The following METTL14 variants were observed in gnomAD, a reference collection of about 807,000 sequenced individuals.
METTL14 encodes methyltransferase 14, N6-adenosine-methyltransferase non-catalytic subunit.
METTL14 carries 32 observed loss-of-function variants against 62.4 expected under a neutral mutation model. The observed-to-expected ratio is 0.51, with a 90% CI of 0.39 to 0.69. The LOEUF (loss-of-function observed/expected upper bound fraction) is 0.69, where lower values mean the gene tolerates loss of function less well. METTL14 is among the 30% of genes least tolerant of loss of function. METTL14 has a pLI of 0.00. For missense variants in METTL14, 340 were observed against 551.9 expected (o/e 0.62, Z 3.85); for synonymous variants, 150 against 180.0 (o/e 0.83, Z 1.34).
chr4:118,701,898 T>G (rs576130764), intron 8 of METTL14, among the ~76,000 whole-genome samples: 1 of 152,312 alleles, frequency 6.6e-6, no homozygotes, highest in East Asian at 1.9e-4. Flanking sequence ...ACATCATTGC[T>G]TCCATCATTT....
At chr4:118,707,150 T>C (rs1434999985) in intron 10 of METTL14, among the ~76,000 whole-genome samples, 1 of 152,160 alleles carries the variant, frequency 6.6e-6, no homozygotes. Flanking sequence ...TAGATTGATA[T>C]TCAGGTTAGG....
chr4:118,685,738 C>G, intron 1 of METTL14, 138 bp downstream of exon 1: 1 of 735,260 alleles, frequency 1.4e-6, no homozygotes, highest in South Asian at 1.6e-5. Flanking sequence ...GATCTTGATC[C>G]CTGGTTCTGC....
chr4:118,712,939 CAGG>C lies in METTL14; in HGVS notation c.*2640_*2642del, dbSNP rs1724964511. 1 of 152,088 alleles carries C rather than the reference CAGG, an allele frequency of 6.6e-6. No homozygotes were observed. Among genetic ancestry groups the C allele is most frequent in the Non-Finnish European group, 1.5e-5 (1 of 68,030 alleles). 9.4% of individuals were successfully genotyped at this position (152,088 alleles called of 1,614,324 possible). A position where few individuals can be genotyped will look rare whatever the true frequency, so the allele number is the denominator to read the frequency against. On this transcript the variant is annotated 3_prime_UTR_variant, in exon 11 of 11. Coordinates refer to ENST00000388822, the MANE Select transcript of METTL14 (RefSeq NM_020961.4). Reference sequence around the variant, plus strand: ...GAAGAGGGCAGGTAGTTGATGATGTCAGGAGAACAGATTTTATGGTGTGGAATA... The same window carrying C: ...GAAGAGGGCAGGTAGTTGATGATGTCAGAACAGATTTTATGGTGTGGAATA...
chr4:118,701,006 A>G (rs888922810), intron 8 of METTL14, among the ~76,000 whole-genome samples: 1 of 152,122 alleles, frequency 6.6e-6, no homozygotes, highest in Non-Finnish European at 1.5e-5. Context: ...AGTATTCAGG[A>G]GCATTGGCTC....
Position 118,696,117 on chromosome 4 carries a change from C to CAAAAAAA in METTL14, c.504-1043_504-1037dup, listed in dbSNP as rs70941201. 6.2e-4 allele frequency among the ~76,000 whole-genome samples: 21 copies of CAAAAAAA among 33,910 alleles called. 4 individuals are homozygous for CAAAAAAA. Among genetic ancestry groups the CAAAAAAA allele is most frequent in the East Asian group, 2.5e-3 (3 of 1,200 alleles). The allele number at this position is 33,910 out of a possible 152,430, so 22.2% of individuals were successfully genotyped here. On this transcript the variant is annotated intron_variant, in intron 6 of 10. Coordinates refer to ENST00000388822, the MANE Select transcript of METTL14 (RefSeq NM_020961.4). Reference sequence around the variant, plus strand: ...CTGGCAACAGAGTGAGACTCTGTCTCAAAAAAAAAAAAAAAAAAAAAAAAA... The same window carrying CAAAAAAA: ...CTGGCAACAGAGTGAGACTCTGTCTCAAAAAAAAAAAAAAAAAAAAAAAAAAAAAAAA...
intron 10 of METTL14, 69 bp from the exon 11 acceptor site, chr4:118,709,929 C>T (rs1003491257): frequency 1.0e-4 from 144 of 1,445,004 alleles, no homozygotes; most frequent in Non-Finnish European, 1.3e-4. Context: ...GGGATTTGAA[C>T]TAGCTTCTAA....
chr4:118,705,277 C>T (rs1201966858), intron 9 of METTL14, among the ~76,000 whole-genome samples: 1 of 152,084 alleles, frequency 6.6e-6, no homozygotes, highest in African/African-American at 2.4e-5. Flanking sequence ...GAATTTGAGA[C>T]CAGCCTGAGC....
intron 1 of METTL14, 142 bp downstream of exon 1, chr4:118,685,742 G>A (rs1307019433): frequency 1.4e-6 from 1 of 737,700 alleles, no homozygotes; most frequent in Middle Eastern, 3.8e-4. Context: ...TTGATCCCTG[G>A]TTCTGCCTTT....
chr4:118,705,884 C>T, intron 10 of METTL14, 63 bp downstream of exon 10: 1 of 1,238,264 alleles, frequency 8.1e-7, no homozygotes, highest in Non-Finnish European at 1.2e-6. Context: ...AGAAATAGGA[C>T]ATGGTGCTGT....
intron 10 of METTL14, among the ~76,000 whole-genome samples, chr4:118,708,909 T>C (rs1724839445): frequency 2.0e-5 from 3 of 152,218 alleles, no homozygotes; most frequent in Admixed American, 2.0e-4. Context: ...CAGAGCACCG[T>C]GTCTGTATTG....
intron 3 of METTL14, among the ~76,000 whole-genome samples, chr4:118,690,187 C>G (rs1456451799): frequency 6.6e-6 from 1 of 150,746 alleles, no homozygotes; most frequent in African/African-American, 2.4e-5. Context: ...ACTACAAGCA[C>G]GCACCACGAC....
rs1282548704 is a variant in METTL14 at position 118,689,426 on chromosome 4, A to G, written c.212A>G (p.Glu71Gly). ...AAACGTAAGTATCTGGATGAAGGAGAGACAGATGAAGACAAAATGGAAGAA... is the reference window on the plus strand; with the variant it reads ...AAACGTAAGTATCTGGATGAAGGAGGGACAGATGAAGACAAAATGGAAGAA... ...NAKRKYLDEG[E>G]TDEDKMEEYK... The change falls in exon 3 of 11, where the codon GAG becomes GGG. Residue 71 changes from glutamate (E) to glycine (G), a missense_variant. Glu to Gly is a moderately conservative substitution (Grantham distance 98). Around this residue, in one of 7 missense-constraint regions of METTL14, gnomAD observed 111 missense variants for 116.6 expected, o/e 0.95. Coordinates refer to ENST00000388822, the MANE Select transcript of METTL14 (RefSeq NM_020961.4). The G allele has an allele frequency of 6.2e-7, 1 of 1,602,082 alleles. No homozygotes were observed. The highest frequency in any genetic ancestry group is 8.5e-7 in the Non-Finnish European group (1 of 1,172,606).
intron 1 of METTL14, among the ~76,000 whole-genome samples, 173 bp downstream of exon 1, chr4:118,685,773 T>C (rs2110462540): frequency 6.6e-6 from 1 of 152,288 alleles, no homozygotes; most frequent in African/African-American, 2.4e-5. Context: ...ATTTTCGCGG[T>C]GTCCCGAATG....
intron 8 of METTL14, among the ~76,000 whole-genome samples, chr4:118,701,742 G>A (rs1724596089): frequency 6.6e-6 from 1 of 152,054 alleles, no homozygotes; most frequent in African/African-American, 2.4e-5. Flanking sequence ...ATTCCAATTT[G>A]GGGAGGTATC....
chr4:118,698,851 A>G (rs1012719361), intron 7 of METTL14, among the ~76,000 whole-genome samples: 1 of 152,224 alleles, frequency 6.6e-6, no homozygotes, highest in African/African-American at 2.4e-5. Flanking sequence ...TTCAAAATAC[A>G]TATTTTAGAG....
intron 10 of METTL14, among the ~76,000 whole-genome samples, chr4:118,708,429 G>T (rs116630442): frequency 1.3e-5 from 2 of 152,072 alleles, no homozygotes; most frequent in Admixed American, 1.3e-4. Flanking sequence ...CTAGAAGGCA[G>T]CAAATAAAAA....
At chr4:118,691,382 G>T in intron 3 of METTL14, 150 bp from the exon 4 acceptor site, 2 of 515,870 alleles carry the variant, frequency 3.9e-6, no homozygotes, top group African/African-American at 2.0e-5. Context: ...TCTAATAATG[G>T]GAAAGCAAAG....
chr4:118,706,569 G>A (rs981548366), intron 10 of METTL14, among the ~76,000 whole-genome samples: 6 of 152,164 alleles, frequency 3.9e-5, no homozygotes, highest in African/African-American at 7.2e-5. Context: ...TTGTGTGGTC[G>A]TAAGTTTTCA....
At chr4:118,688,915 G>A (rs1262074646) in intron 2 of METTL14, among the ~76,000 whole-genome samples, 6 of 152,034 alleles carry the variant, frequency 3.9e-5, no homozygotes, top group South Asian at 4.2e-4. Flanking sequence ...TTTTTGATCC[G>A]CCTGCCTTGG....
Sources: gnomAD v4.1 joint callset for allele counts (sites outside exome capture counted in the v4.1 genomes callset) on GRCh38, gnomAD v4.1.1 for gene constraint, gnomAD v4.1.1 regional missense constraint, MANE v1.5 for transcripts, NCBI Gene and HGNC (gene_info 2026-07-23, HGNC 2026-07-21) for gene names.